FDCSP: variants seen among roughly 807,000 people sequenced by gnomAD.
FDCSP encodes follicular dendritic cell secreted peptide.
FDCSP carries 8 observed loss-of-function variants against 8.9 expected under a neutral mutation model. That is an observed-to-expected ratio of 0.90 (90% CI 0.53 to 1.63). The LOEUF (loss-of-function observed/expected upper bound fraction) is 1.63. Ranked by LOEUF, FDCSP falls within the 40% of genes most tolerant of loss-of-function variation. The probability of loss-of-function intolerance (pLI) is 0.00; values close to 1 mark genes in which losing one functional copy is unlikely to be tolerated. For synonymous variants in FDCSP, 34 were observed against 34.5 expected, an observed-to-expected ratio of 0.98 and a Z score of 0.06; for missense variants, 101 against 103.6, an observed-to-expected ratio of 0.98 and a Z score of 0.11.
At chr4:70,227,679 T>G (rs1730010796) in intron 1 of FDCSP, among the ~76,000 whole-genome samples, 1 of 151,668 alleles carries the variant, frequency 6.6e-6, no homozygotes, top group Admixed American at 6.6e-5. Context: ...ACAGGCAAAC[T>G]TCAGAGATAC....
intron 1 of FDCSP, among the ~76,000 whole-genome samples, chr4:70,227,658 A>T (rs969587925): frequency 2.0e-5 from 3 of 147,588 alleles, no homozygotes; most frequent in East Asian, 4.2e-4. Context: ...GGGACTTTCC[A>T]AACTGATATT....
At chr4:70,227,156 G>A (rs1219013334) in intron 1 of FDCSP, among the ~76,000 whole-genome samples, 2 of 151,784 alleles carry the variant, frequency 1.3e-5, no homozygotes, top group East Asian at 3.9e-4. Context: ...AAAGCACCCA[G>A]CATTGTTGCT....
intron 1 of FDCSP, among the ~76,000 whole-genome samples, chr4:70,229,767 A>G (rs1351435972): frequency 6.6e-6 from 1 of 151,726 alleles, no homozygotes; most frequent in African/African-American, 2.4e-5. Context: ...AACACCCCCA[A>G]ATAATTAGAT....
chr4:70,232,602 A>C (rs1022953261), intron 2 of FDCSP, among the ~76,000 whole-genome samples: 1 of 151,484 alleles, frequency 6.6e-6, no homozygotes, highest in African/African-American at 2.4e-5. Context: ...GCATGACTCT[A>C]TATTTTGTCT....
intron 3 of FDCSP, 102 bp from the exon 4 acceptor site, chr4:70,233,918 C>T (rs1730129520): frequency 2.8e-6 from 3 of 1,061,652 alleles, no homozygotes. Context: ...CTTCTAAAGC[C>T]TCTTCCTAAA....
chr4:70,232,917 T>C, intron 2 of FDCSP, 77 bp from the exon 3 acceptor site: 1 of 1,139,424 alleles, frequency 8.8e-7, no homozygotes, highest in African/African-American at 1.6e-5. Flanking sequence ...AGGTAATAGA[T>C]TGTCATGCAT....
intron 1 of FDCSP, among the ~76,000 whole-genome samples, chr4:70,230,917 A>G (rs1362031219): frequency 6.6e-6 from 1 of 151,760 alleles, no homozygotes; most frequent in Non-Finnish European, 1.5e-5. Context: ...AGGAATTAGT[A>G]TTCTTAAATA....
intron 3 of FDCSP, among the ~76,000 whole-genome samples, chr4:70,233,353 CA>C (rs1400109876): frequency 2.6e-5 from 4 of 151,536 alleles, no homozygotes; most frequent in Non-Finnish European, 4.4e-5. Flanking sequence ...AAACTCATTT[CA>C]AAAAAAGTAA....
Position 70,234,229 on chromosome 4 carries a change from G to A in FDCSP, c.*28+14G>A, listed in dbSNP as rs1273666040. On this transcript the variant is annotated intron_variant, in intron 4 of 4. Transcript: ENST00000317987. ...ACGATAAACCTGGTAAGTACACATA[G>A]TTACAATCATAGTTTATTTTAAGTT... 6.6e-7 allele frequency: 1 copy of A among 1,513,268 alleles called. No individual in the cohort carries two copies. Among genetic ancestry groups the A allele is most frequent in the East Asian group, 2.4e-5 (1 of 41,980 alleles). 93.7% of individuals were successfully genotyped at this position (1,513,268 alleles called of 1,614,324 possible).
chr4:70,234,171 T>C lies in FDCSP; in HGVS notation c.242T>C (p.Leu81Pro), dbSNP rs973578056. ...PIPESAPTTP[L>P]PSEK ...CCTGAATCTGCCCCTACAACTCCCC[T>C]TCCTAGCGAAAAGTAAACAAGAAGG... The change falls in exon 4 of 5, where the codon CTT becomes CCT. Residue 81 changes from leucine to proline, a missense_variant. By Grantham distance (98) the Leu-to-Pro change is moderately conservative. Coordinates refer to ENST00000317987, the MANE Select transcript of FDCSP (RefSeq NM_152997.4). The C allele has an allele frequency of 3.7e-6, 6 of 1,609,290 alleles. No homozygotes were observed. The highest frequency in any genetic ancestry group is 5.1e-6 in the Non-Finnish European group (6 of 1,177,422).
chr4:70,233,969 C>A (rs1730130408), intron 3 of FDCSP, 51 bp from the exon 4 acceptor site: 1 of 1,507,084 alleles, frequency 6.6e-7, no homozygotes, highest in Non-Finnish European at 8.9e-7. Context: ...TGTTTTATTT[C>A]TCTTCTTTGT....
chr4:70,230,728 TATGGAATGTTGAACTCTCTGAG>T (rs1249117069), intron 1 of FDCSP, among the ~76,000 whole-genome samples: 2 of 151,742 alleles, frequency 1.3e-5, no homozygotes, highest in Non-Finnish European at 2.9e-5. Context: ...GACATTAGTA[TATGGAATGTTGAACTCTCTGAG>T]ATCACTAAAT....
At chr4:70,233,835 A>G (rs1255469862) in intron 3 of FDCSP, among the ~76,000 whole-genome samples, 185 bp from the exon 4 acceptor site, 1 of 151,796 alleles carries the variant, frequency 6.6e-6, no homozygotes, top group Middle Eastern at 3.4e-3. Context: ...GTATCTCTAA[A>G]TAATTTTTAA....
At chr4:70,233,133 C>T in intron 3 of FDCSP, 107 bp downstream of exon 3, 1 of 968,608 alleles carries the variant, frequency 1.0e-6, no homozygotes, top group East Asian at 2.6e-5. Context: ...TGGAGAGATT[C>T]ATAAAGAGCT....
chr4:70,227,057 C>CT (rs532313232), intron 1 of FDCSP, among the ~76,000 whole-genome samples: 31 of 151,710 alleles, frequency 2.0e-4, no homozygotes, highest in African/African-American at 6.5e-4. Context: ...ATATATCACG[C>CT]TTTTTTTTCA....
intron 1 of FDCSP, 60 bp from the exon 2 acceptor site, chr4:70,231,135 C>T: frequency 7.3e-7 from 1 of 1,375,566 alleles, no homozygotes; most frequent in Non-Finnish European, 1.0e-6. Context: ...TAGCTGACTT[C>T]TAGGATATTT....
At chr4:70,232,561 T>C (rs143812613) in intron 2 of FDCSP, among the ~76,000 whole-genome samples, 239 of 151,718 alleles carry the variant, frequency 1.6e-3, no homozygotes, top group African/African-American at 5.5e-3. Context: ...AACTACCCAT[T>C]TCTCATAACT....
intron 4 of FDCSP, among the ~76,000 whole-genome samples, 187 bp from the exon 5 acceptor site, chr4:70,234,898 A>T (rs1003658485): frequency 6.6e-6 from 1 of 151,348 alleles, no homozygotes; most frequent in Non-Finnish European, 1.5e-5. Flanking sequence ...TAGGAAAAAA[A>T]TATTTCAGCT....
intron 3 of FDCSP, 24 bp from the exon 4 acceptor site, chr4:70,233,996 C>T: frequency 3.2e-6 from 5 of 1,565,434 alleles, no homozygotes; most frequent in Non-Finnish European, 3.5e-6. Flanking sequence ...TGAAATAAAC[C>T]CTTTAACTTC....
Sources: gnomAD v4.1 joint callset for allele counts (sites outside exome capture counted in the v4.1 genomes callset) on GRCh38, gnomAD v4.1.1 for gene constraint, MANE v1.5 for transcripts, NCBI Gene and HGNC (gene_info 2026-07-23, HGNC 2026-07-21) for gene names.